EIPR1: variants seen among roughly 807,000 people sequenced by gnomAD.
The protein encoded by EIPR1 is EARP and GARP complex-interacting protein 1.
In EIPR1, 25 loss-of-function variants were observed where a neutral mutation model predicts 48.1. That is an observed-to-expected ratio of 0.52 (90% CI 0.38 to 0.73). The LOEUF is 0.73. EIPR1 is among the 30% of genes least tolerant of loss of function. The pLI is 0.00. For missense variants in EIPR1, 415 were observed against 506.2 expected, an observed-to-expected ratio of 0.82 and a Z score of 1.73; for synonymous variants, 204 against 201.9, an observed-to-expected ratio of 1.01 and a Z score of -0.09.
intron 5 of EIPR1, among the ~76,000 whole-genome samples, chr2:3,212,861 C>A (rs1665504617): frequency 6.6e-6 from 1 of 152,208 alleles, no homozygotes; most frequent in Non-Finnish European, 1.5e-5. Flanking sequence ...TCCTTAAACA[C>A]CATTGATGCT....
intron 2 of EIPR1, among the ~76,000 whole-genome samples, chr2:3,345,943 G>A (rs181888978): frequency 2.6e-4 from 40 of 151,842 alleles, no homozygotes; most frequent in Admixed American, 7.8e-4. Context: ...CAGAAGTCCA[G>A]TGAAAACCAC....
At chr2:3,230,732 A>G (rs981933981) in intron 4 of EIPR1, among the ~76,000 whole-genome samples, 11 of 152,162 alleles carry the variant, frequency 7.2e-5, no homozygotes, top group Non-Finnish European at 1.0e-4. Flanking sequence ...GTAATTTCAT[A>G]TTATCCTGTT....
At chr2:3,304,981 CCA>C (rs1558286428) in intron 3 of EIPR1, among the ~76,000 whole-genome samples, 1 of 125,552 alleles carries the variant, frequency 8.0e-6, no homozygotes, top group African/African-American at 3.0e-5. Flanking sequence ...CCACTCCCGT[CCA>C]GTTCAACCCT....
intron 1 of EIPR1, among the ~76,000 whole-genome samples, chr2:3,368,596 CCA>C (rs1220644003): frequency 6.6e-6 from 1 of 152,186 alleles, no homozygotes; most frequent in African/African-American, 2.4e-5. Flanking sequence ...GAGATTTGAC[CCA>C]CACAACAAAG....
intron 3 of EIPR1, among the ~76,000 whole-genome samples, chr2:3,304,714 C>T (rs1487754176): frequency 6.7e-6 from 1 of 150,192 alleles, no homozygotes; most frequent in East Asian, 2.0e-4. Flanking sequence ...TCCAATTCAG[C>T]CCTTCAGTCC....
chr2:3,251,317 A>G (rs1666995247), intron 4 of EIPR1, among the ~76,000 whole-genome samples: 1 of 152,240 alleles, frequency 6.6e-6, no homozygotes, highest in South Asian at 2.1e-4. Context: ...GAGGGTGGGA[A>G]GAGGGTCTGT....
chr2:3,356,873 C>T (rs1670742698), intron 1 of EIPR1, among the ~76,000 whole-genome samples: 1 of 152,228 alleles, frequency 6.6e-6, no homozygotes, highest in Non-Finnish European at 1.5e-5. Context: ...CGCTAATTTT[C>T]CCCACCCAAG....
chr2:3,333,220 T>C (rs11127411), intron 3 of EIPR1, among the ~76,000 whole-genome samples: 26,215 of 152,236 alleles, frequency 0.17, 2,451 homozygotes, highest in Non-Finnish European at 0.21. Flanking sequence ...TTCTAGCATG[T>C]GCTTGCGTGC....
At chr2:3,338,614 G>C (rs1488707104) in intron 2 of EIPR1, among the ~76,000 whole-genome samples, 1 of 152,188 alleles carries the variant, frequency 6.6e-6, no homozygotes, top group African/African-American at 2.4e-5. Flanking sequence ...TCTGTCTATA[G>C]TGGGCAGAAC....
intron 4 of EIPR1, among the ~76,000 whole-genome samples, chr2:3,245,188 CCGTTGCGTTG>C (rs57101380): frequency 6.6e-5 from 10 of 150,732 alleles, no homozygotes; most frequent in Non-Finnish European, 1.0e-4. Context: ...TTTTACTTTA[CCGTTGCGTTG>C]CGTTGCGTTG....
intron 4 of EIPR1, among the ~76,000 whole-genome samples, chr2:3,226,180 T>C (rs1205791419): frequency 1.3e-5 from 2 of 152,250 alleles, no homozygotes; most frequent in African/African-American, 4.8e-5. Context: ...GGGTTGTAGC[T>C]CTATTTTTAA....
intron 4 of EIPR1, among the ~76,000 whole-genome samples, chr2:3,237,472 C>T (rs1490773200): frequency 6.6e-6 from 1 of 152,186 alleles, no homozygotes; most frequent in African/African-American, 2.4e-5. Context: ...TGAGCTCTTA[C>T]TGCATCTAAT....
At chr2:3,274,426 A>C (rs1201009396) in intron 3 of EIPR1, 1 of 1,550,582 alleles carries the variant, frequency 6.4e-7, no homozygotes. Flanking sequence ...AATGCTAGAA[A>C]AAAAGTCAGG....
chr2:3,313,353 C>T (rs185119113), intron 3 of EIPR1, among the ~76,000 whole-genome samples: 23 of 151,496 alleles, frequency 1.5e-4, no homozygotes, highest in Admixed American at 5.9e-4. Context: ...CACAAAATGC[C>T]GCCTGAGAGT....
rs56963007 is a variant in EIPR1, at chr2:3,210,627, C to CTTTTTTTTTTTTTTTTTTTT, written c.516+3502_516+3521dup. 3.4e-5 allele frequency among the ~76,000 whole-genome samples: 4 copies of CTTTTTTTTTTTTTTTTTTTT among 118,418 alleles called. 2 individuals are homozygous for CTTTTTTTTTTTTTTTTTTTT. 77.7% of individuals were successfully genotyped at this position (118,418 alleles called of 152,430 possible). A position where few individuals can be genotyped will look rare whatever the true frequency, so the allele number is the denominator to read the frequency against. ...TCTTCTCACTGTTTACCTCCCAATT[C>CTTTTTTTTTTTTTTTTTTTT]TTTTTTTTTTTTTTTTTTTTTGAGA... On this transcript the variant is annotated intron_variant, in intron 5 of 8. Transcript: ENST00000382125.
rs1312124541 is a variant in EIPR1, at chr2:3,312,967, G to A, written c.259+25050C>T. Reference sequence around the variant, plus strand: ...TTTACCTGAAATTCAAGTTTAACAGGATATCCTGTGTTTTATCTGACAACC... The same window carrying A: ...TTTACCTGAAATTCAAGTTTAACAGAATATCCTGTGTTTTATCTGACAACC... On this transcript the variant is annotated intron_variant, in intron 3 of 8. Coordinates refer to ENST00000382125, the MANE Select transcript of EIPR1 (RefSeq NM_003310.5). This position sits in a 1 kb window ranked among gnomAD's most constrained non-coding sequence, Gnocchi z 5.5. 6.6e-6 allele frequency among the ~76,000 whole-genome samples: 1 copy of A among 152,190 alleles called. No homozygotes were observed. Among genetic ancestry groups the A allele is most frequent in the Non-Finnish European group, 1.5e-5 (1 of 68,032 alleles).
chr2:3,247,376 C>A (rs1666866310), intron 4 of EIPR1, among the ~76,000 whole-genome samples: 1 of 152,152 alleles, frequency 6.6e-6, no homozygotes, highest in Non-Finnish European at 1.5e-5. Flanking sequence ...TCTTTATCAT[C>A]AAAGGGCGAT....
chr2:3,192,872 A>G (rs1341516668), intron 7 of EIPR1, among the ~76,000 whole-genome samples: 4 of 3,180 alleles, frequency 1.3e-3, no homozygotes, highest in East Asian at 2.8e-3. Context: ...TAAAATTCGA[A>G]AAAAAAAAAA....
Position 3,371,499 on chromosome 2 carries a change from G to A in EIPR1, c.42+6149C>T, listed in dbSNP as rs563996223. Among the ~76,000 whole-genome samples the A allele has an allele frequency of 5.3e-5, 8 of 152,238 alleles. No homozygotes were observed. In the East Asian group the frequency reaches 1.5e-3, roughly 29 times the overall value. ...ATTCAGGAAGCCCATCTCACGTGCA[G>A]AGACACACATAGGCTCAAAATAAAA... On this transcript the variant is annotated intron_variant, in intron 1 of 8. Coordinates refer to ENST00000382125, the MANE Select transcript of EIPR1 (RefSeq NM_003310.5).
Sources: gnomAD v4.1 joint callset for allele counts (sites outside exome capture counted in the v4.1 genomes callset) on GRCh38, gnomAD v4.1.1 for gene constraint, Gnocchi (gnomAD v3.1) non-coding constraint, MANE v1.5 for transcripts, NCBI Gene and HGNC (gene_info 2026-07-23, HGNC 2026-07-21) for gene names.